The following SKIC8 variants were observed in gnomAD, a reference collection of about 807,000 sequenced individuals.
SKIC8 encodes the protein superkiller complex protein 8.
chr15:78,293,000 A>C, the SKIC8 span: 9 of 807,920 alleles, frequency 1.1e-5, no homozygotes, highest in African/African-American at 1.7e-5. Flanking sequence ...TTTAATACAG[A>C]GTAACAGGAA....
the SKIC8 span, chr15:78,283,323 C>G: frequency 6.0e-6 from 5 of 826,500 alleles, no homozygotes; most frequent in Admixed American, 1.4e-4. Context: ...AAATTTAAGT[C>G]TTTGCTACAA....
chr15:78,285,205 T>G, the SKIC8 span: 1 of 1,562,428 alleles, frequency 6.4e-7, no homozygotes, highest in African/African-American at 1.4e-5. Context: ...GAAAATCTCT[T>G]TGGTACAATG....
chr15:78,283,748 T>C, the SKIC8 span: 3 of 410,880 alleles, frequency 7.3e-6, no homozygotes, highest in Admixed American at 8.0e-5. Context: ...AAAAAAAAAA[T>C]CATTTTTAAA....
At chr15:78,290,018 C>T in the SKIC8 span, 1 of 1,614,120 alleles carries the variant, frequency 6.2e-7, no homozygotes, top group Non-Finnish European at 8.5e-7. Context: ...ACTTTCCACA[C>T]CAAAAATGTT....
the SKIC8 span, among the ~76,000 whole-genome samples, chr15:78,287,455 A>G: frequency 6.6e-6 from 1 of 152,248 alleles, no homozygotes; most frequent in Non-Finnish European, 1.5e-5. Flanking sequence ...CCAAGCAACT[A>G]TCACAGGCCC....
chr15:78,294,910 T>C, the SKIC8 span: 2 of 1,614,008 alleles, frequency 1.2e-6, no homozygotes, highest in South Asian at 2.2e-5. Context: ...ACAGTTTTTT[T>C]CACAGATGAA....
the SKIC8 span, among the ~76,000 whole-genome samples, chr15:78,291,530 T>C: frequency 6.6e-6 from 1 of 152,190 alleles, no homozygotes; most frequent in Non-Finnish European, 1.5e-5. Flanking sequence ...CTGAACACTA[T>C]GATTCAGTGG....
At chr15:78,286,753 A>G in the SKIC8 span, 3 of 152,254 alleles carry the variant, frequency 2.0e-5, no homozygotes, top group Non-Finnish European at 2.9e-5. Flanking sequence ...CTAAACACAG[A>G]CCTCAGCAGA....
At chr15:78,292,066 T>G in the SKIC8 span, 1 of 153,746 alleles carries the variant, frequency 6.5e-6, no homozygotes, top group African/African-American at 2.4e-5. Flanking sequence ...CAAAAAAAAT[T>G]GATGTTTCTT....
At chr15:78,290,237 T>C in the SKIC8 span, 14 of 893,382 alleles carry the variant, frequency 1.6e-5, no homozygotes, top group African/African-American at 3.4e-5. Flanking sequence ...GTTGTAAAGA[T>C]GCTAATTCTT....
the SKIC8 span, chr15:78,286,048 C>G: frequency 6.2e-7 from 1 of 1,612,506 alleles, no homozygotes; most frequent in East Asian, 2.2e-5. Flanking sequence ...TACCTGGAAA[C>G]AAAGTGAGTG....
At chr15:78,295,852 G>T in the SKIC8 span, 2 of 733,940 alleles carry the variant, frequency 2.7e-6, no homozygotes, top group Non-Finnish European at 4.2e-6. Context: ...CCCTTCTATG[G>T]ATCAGTCCCT....
At chr15:78,295,461 G>A in the SKIC8 span, 1 of 595,960 alleles carries the variant, frequency 1.7e-6, no homozygotes, top group Admixed American at 2.3e-5. Context: ...ACTAAATTGT[G>A]GTAAAGACTT....
the SKIC8 span, among the ~76,000 whole-genome samples, chr15:78,287,972 C>T: frequency 2.0e-5 from 3 of 152,180 alleles, no homozygotes; most frequent in Non-Finnish European, 4.4e-5. Context: ...CAGCCCATGG[C>T]TCCATTTCCT....
chr15:78,289,999 C>T, the SKIC8 span: 2 of 1,614,092 alleles, frequency 1.2e-6, no homozygotes, highest in Non-Finnish European at 1.7e-6. Flanking sequence ...AAGAATATTC[C>T]TTTTTCCCAC....
chr15:78,296,997 A>G, the SKIC8 span, among the ~76,000 whole-genome samples: 1 of 152,194 alleles, frequency 6.6e-6, no homozygotes, highest in Non-Finnish European at 1.5e-5. Flanking sequence ...ATACATAATC[A>G]TGTTTTATGT....
chr15:78,284,650 A>G, the SKIC8 span: 1 of 152,218 alleles, frequency 6.6e-6, no homozygotes, highest in Admixed American at 6.5e-5. Flanking sequence ...AGGGGATACG[A>G]GCACACATGA....
chr15:78,295,765 T>C, the SKIC8 span: 2 of 1,490,896 alleles, frequency 1.3e-6, no homozygotes, highest in Non-Finnish European at 1.8e-6. Context: ...GGGGGTGTCA[T>C]CAGGATAGAA....
At chr15:78,293,026 T>C in the SKIC8 span, 3 of 831,528 alleles carry the variant, frequency 3.6e-6, no homozygotes, top group African/African-American at 5.2e-5. Context: ...GTGGGAAAAA[T>C]AAGCTGCTGT....
Sources: gnomAD v4.1 joint callset for allele counts (sites outside exome capture counted in the v4.1 genomes callset) on GRCh38, gnomAD v4.1.1 for gene constraint, MANE v1.5 for transcripts, NCBI Gene and HGNC (gene_info 2026-07-23, HGNC 2026-07-21) for gene names.